PKNOX2: variants seen among roughly 807,000 people sequenced by gnomAD.
PKNOX2 encodes homeobox protein PKNOX2.
In PKNOX2, 14 loss-of-function variants were observed where a neutral mutation model predicts 53.1. The ratio of observed to expected loss-of-function variants is 0.26; its 90% confidence interval spans 0.17 to 0.41. PKNOX2 has a LOEUF of 0.41. Among genes scored for constraint, PKNOX2 ranks in the 10% least tolerant of loss-of-function variants. The probability of loss-of-function intolerance (pLI) is 1.00; values close to 1 mark genes in which losing one functional copy is unlikely to be tolerated. For synonymous variants in PKNOX2, 257 were observed against 242.8 expected, an observed-to-expected ratio of 1.06 and a Z score of -0.54; for missense variants, 496 against 602.8, an observed-to-expected ratio of 0.82 and a Z score of 1.85.
At chr11:125,318,273 A>ATTTTTTTTTTT (rs906412845) in intron 2 of PKNOX2, among the ~76,000 whole-genome samples, 2 of 133,422 alleles carry the variant, frequency 1.5e-5, no homozygotes. Context: ...TGCCTGGCTA[A>ATTTTTTTTTTT]TTTTTTTTTT....
intron 6 of PKNOX2, among the ~76,000 whole-genome samples, chr11:125,388,849 C>T (rs1389300175): frequency 1.3e-5 from 2 of 152,162 alleles, no homozygotes; most frequent in Admixed American, 1.3e-4. Context: ...CCACCTGCTC[C>T]CACAGCACCC....
rs115788907 is a variant in PKNOX2, at chr11:125,347,530, C to A, written c.-22-3754C>A. 6.7e-3 allele frequency among the ~76,000 whole-genome samples: 1,016 copies of A among 152,224 alleles called. 14 individuals carry two copies. The highest frequency in any genetic ancestry group is 0.022 in the African/African-American group (915 of 41,528). ...TGGATTTGGGGCTCCAGACTGCCGA[C>A]CTGGTGGTGCAGGGCTGTGGGGAGC... On this transcript the variant is annotated intron_variant, in intron 3 of 12. Coordinates refer to ENST00000298282, the MANE Select transcript of PKNOX2 (RefSeq NM_001382323.2).
intron 2 of PKNOX2, among the ~76,000 whole-genome samples, chr11:125,247,740 G>A (rs1267211839): frequency 6.6e-6 from 1 of 152,084 alleles, no homozygotes; most frequent in Non-Finnish European, 1.5e-5. Context: ...TTCTAGTAAG[G>A]ATTTGCTGTC....
In PKNOX2 at chr11:125,244,751, C is replaced by T. The variant is rs11219985; in HGVS notation, c.-130+9636C>T. ...TTGCATTCTGTGCCATTTATTACAG[C>T]GGGAAATTGGAAGGCACCTTAGGAA... On this transcript the variant is annotated intron_variant, in intron 2 of 12. Coordinates refer to ENST00000298282, the MANE Select transcript of PKNOX2 (RefSeq NM_001382323.2). Among the ~76,000 whole-genome samples the T allele has an allele frequency of 1.6e-4, 25 of 152,306 alleles. No homozygotes were observed. The Middle Eastern group carries it at 0.014, about 83-fold the overall frequency.
intron 2 of PKNOX2, among the ~76,000 whole-genome samples, chr11:125,256,429 G>A (rs1944404179): frequency 6.6e-6 from 1 of 152,138 alleles, no homozygotes; most frequent in African/African-American, 2.4e-5. Flanking sequence ...CCTAAACCCT[G>A]GGCAGGCACC....
intron 1 of PKNOX2, among the ~76,000 whole-genome samples, chr11:125,224,835 TAA>T (rs978145538): frequency 6.6e-6 from 1 of 152,154 alleles, no homozygotes; most frequent in Admixed American, 6.5e-5. Flanking sequence ...GGAGCCCTGT[TAA>T]GTTATTTATG....
chr11:125,325,395 G>T (rs1231417919), intron 2 of PKNOX2, among the ~76,000 whole-genome samples: 1 of 152,204 alleles, frequency 6.6e-6, no homozygotes, highest in African/African-American at 2.4e-5. Flanking sequence ...ACAGCCTGGA[G>T]TTCATGGCTA....
At chr11:125,265,007 G>A (rs1476161015) in intron 2 of PKNOX2, among the ~76,000 whole-genome samples, 1 of 152,116 alleles carries the variant, frequency 6.6e-6, no homozygotes, top group Non-Finnish European at 1.5e-5. Flanking sequence ...CAGGGCTTAT[G>A]GCCGGGCATG....
At chr11:125,195,883 GCACACACACACACACACA>G (rs56021315) in intron 1 of PKNOX2, among the ~76,000 whole-genome samples, 1 of 143,802 alleles carries the variant, frequency 7.0e-6, no homozygotes, top group Non-Finnish European at 1.5e-5. Context: ...ATATGTACAT[GCACACACACACACACACA>G]CACACACACA....
rs142264166 is a variant in PKNOX2, at chr11:125,209,534, G to T, written c.-200-25511G>T. 3.3e-3 allele frequency among the ~76,000 whole-genome samples: 502 copies of T among 152,088 alleles called. 6 individuals are homozygous for T. Among genetic ancestry groups the T allele is most frequent in the Non-Finnish European group, 5.2e-3 (355 of 67,932 alleles). On this transcript the variant is annotated intron_variant, in intron 1 of 12. Transcript: ENST00000298282. ...AGTAGGAAAGAAGAGGAAGGTTAAAGACATAGCATGCTCAGGAAGAAGGAA... is the reference window on the plus strand; with the variant it reads ...AGTAGGAAAGAAGAGGAAGGTTAAATACATAGCATGCTCAGGAAGAAGGAA...
At chr11:125,188,616 G>A (rs1956597596) in intron 1 of PKNOX2, among the ~76,000 whole-genome samples, 1 of 152,150 alleles carries the variant, frequency 6.6e-6, no homozygotes, top group South Asian at 2.1e-4. Flanking sequence ...AGCTCAAGGA[G>A]AGCTTCTGGC....
intron 10 of PKNOX2, among the ~76,000 whole-genome samples, chr11:125,425,335 G>A (rs1172573869): frequency 6.6e-6 from 1 of 152,236 alleles, no homozygotes; most frequent in East Asian, 1.9e-4. Context: ...GGCTCCAGCT[G>A]TCCCTGAGAA....
At chr11:125,358,460 G>C (rs1332718158) in intron 4 of PKNOX2, among the ~76,000 whole-genome samples, 1 of 152,246 alleles carries the variant, frequency 6.6e-6, no homozygotes, top group Non-Finnish European at 1.5e-5. Context: ...CCTCCTGTCA[G>C]TGACAGCCCA....
chr11:125,251,785 A>AATATAT (rs61255158), intron 2 of PKNOX2, among the ~76,000 whole-genome samples: 12 of 146,224 alleles, frequency 8.2e-5, no homozygotes, highest in South Asian at 6.3e-4. Context: ...ATATTATATA[A>AATATAT]ATATATATAT....
intron 1 of PKNOX2, among the ~76,000 whole-genome samples, chr11:125,218,870 A>G (rs1940836320): frequency 6.6e-6 from 1 of 152,144 alleles, no homozygotes; most frequent in Non-Finnish European, 1.5e-5. Flanking sequence ...AGGGTTGGAG[A>G]AATTCAGGGG....
chr11:125,400,188 C>T (rs955754213), intron 7 of PKNOX2, among the ~76,000 whole-genome samples: 2 of 151,964 alleles, frequency 1.3e-5, no homozygotes, highest in East Asian at 3.9e-4. Context: ...GTGATGCAAG[C>T]GAGGCACTGA....
chr11:125,185,587 T>C (rs1278118133), intron 1 of PKNOX2, among the ~76,000 whole-genome samples: 1 of 152,242 alleles, frequency 6.6e-6, no homozygotes, highest in African/African-American at 2.4e-5. Context: ...ATATGCTTCA[T>C]ATAAGCAGAA....
Position 125,410,258 on chromosome 11 carries a change from G to A in PKNOX2, c.651G>A (p.Val217=). 1 of 1,614,074 alleles carries A rather than the reference G, an allele frequency of 6.2e-7. No homozygotes were observed. The highest frequency in any genetic ancestry group is 8.5e-7 in the Non-Finnish European group (1 of 1,180,004). The change falls in exon 8 of 13, where the codon GTG becomes GTA. Residue 217 remains valine (V), a synonymous_variant. Coordinates refer to ENST00000298282, the MANE Select transcript of PKNOX2 (RefSeq NM_001382323.2). ...SGVSNNPQGI[V]VPASALQQGN... is the part of the protein sequence containing the mutation. Reference sequence around the variant, plus strand: ...TCTCCAATAACCCCCAGGGGATTGTGGTCCCAGCCTCAGCGCTCCAGCAGG... The same window carrying A: ...TCTCCAATAACCCCCAGGGGATTGTAGTCCCAGCCTCAGCGCTCCAGCAGG...
In PKNOX2 at chr11:125,166,442, C is replaced by CG. The variant is rs1306484748; in HGVS notation, c.-201+1668dup. On this transcript the variant is annotated intron_variant, in intron 1 of 12. Coordinates refer to ENST00000298282, the MANE Select transcript of PKNOX2 (RefSeq NM_001382323.2). The surrounding 1 kb of genome is among the most constrained non-coding windows in gnomAD (Gnocchi z 4.0). Reference sequence around the variant, plus strand: ...GTCCTAAGAGAGCGATTCCGGGAAGCGGACAGATCGAAGAGACCTTCTGGG... The same window carrying CG: ...GTCCTAAGAGAGCGATTCCGGGAAGCGGGACAGATCGAAGAGACCTTCTGGG... 6.6e-6 allele frequency among the ~76,000 whole-genome samples: 1 copy of CG among 152,202 alleles called. No homozygotes were observed. Among genetic ancestry groups the CG allele is most frequent in the Non-Finnish European group, 1.5e-5 (1 of 68,038 alleles).
Sources: allele counts gnomAD v4.1 joint callset (sites outside exome capture counted in the v4.1 genomes callset), GRCh38; gene constraint gnomAD v4.1.1; non-coding constraint Gnocchi (gnomAD v3.1); transcripts MANE v1.5; gene names NCBI Gene and HGNC (gene_info 2026-07-23, HGNC 2026-07-21).